Variants in HDHD5 observed in about 807,000 individuals in gnomAD.
HDHD5 encodes the protein haloacid dehalogenase-like hydrolase domain-containing 5.
In HDHD5, 34 loss-of-function variants were observed where a neutral mutation model predicts 35.5. The ratio of observed to expected loss-of-function variants is 0.96; its 90% CI spans 0.73 to 1.28. The LOEUF (loss-of-function observed/expected upper bound fraction) is 1.28. Among genes scored for constraint, HDHD5 ranks in the 50% most tolerant of loss-of-function variants. The pLI is 0.00. For synonymous variants in HDHD5, 248 were observed against 240.6 expected, an observed-to-expected ratio of 1.03 and a Z score of -0.29; for missense variants, 589 against 560.2, an observed-to-expected ratio of 1.05 and a Z score of -0.52.
chr22:17,159,524 T>C (rs1373469769), upstream of HDHD5: 7 of 456,806 alleles, frequency 1.5e-5, no homozygotes, highest in African/African-American at 8.2e-5. Flanking sequence ...GCGGCGTCCG[T>C]ACTATCGCCC....
At chr22:17,149,255 G>T (rs952827770) in intron 2 of HDHD5, among the ~76,000 whole-genome samples, 5 of 152,150 alleles carry the variant, frequency 3.3e-5, no homozygotes, top group Admixed American at 2.0e-4. Context: ...GCCAAGGTGT[G>T]ACGCCAGAGC....
chr22:17,160,307 G>C (rs1364502729), upstream of HDHD5, among the ~76,000 whole-genome samples: 1 of 151,582 alleles, frequency 6.6e-6, no homozygotes, highest in South Asian at 2.1e-4. Context: ...GAGTCCAGGA[G>C]TTCCAGACCA....
upstream of HDHD5, chr22:17,159,298 C>CCG (rs1279781550): frequency 2.5e-6 from 3 of 1,224,434 alleles, no homozygotes; most frequent in East Asian, 5.6e-5. Context: ...CCCCCCCCCC[C>CCG]GCGAGTCCGT....
upstream of HDHD5, among the ~76,000 whole-genome samples, chr22:17,162,227 T>A (rs1428511457): frequency 6.6e-6 from 1 of 152,184 alleles, no homozygotes; most frequent in South Asian, 2.1e-4. Flanking sequence ...CAAAACCTCA[T>A]GAACCACCCT....
chr22:17,139,526 T>TA (rs34738352), intron 6 of HDHD5, among the ~76,000 whole-genome samples: 6,734 of 144,736 alleles, frequency 0.047, 141 homozygotes, highest in Non-Finnish European at 0.057. Flanking sequence ...AGACTCCATC[T>TA]AAAAAAAAAA....
At chr22:17,155,730 A>G (rs756060205) in intron 1 of HDHD5, among the ~76,000 whole-genome samples, 4 of 152,218 alleles carry the variant, frequency 2.6e-5, no homozygotes, top group Non-Finnish European at 5.9e-5. Flanking sequence ...TACATCAATT[A>G]TAACAAATGT....
chr22:17,156,374 AGGCCAAGGCG>A (rs908213669), intron 1 of HDHD5, among the ~76,000 whole-genome samples: 2 of 152,226 alleles, frequency 1.3e-5, no homozygotes, highest in Admixed American at 6.5e-5. Flanking sequence ...GCACTCTGGG[AGGCCAAGGCG>A]GGCGTATCAT....
intron 1 of HDHD5, among the ~76,000 whole-genome samples, chr22:17,154,980 C>T (rs1355038854): frequency 6.6e-6 from 1 of 151,822 alleles, no homozygotes; most frequent in Non-Finnish European, 1.5e-5. Context: ...TTTGAAATGA[C>T]AAGAAATCAG....
intron 4 of HDHD5, 49 bp from the exon 5 acceptor site, chr22:17,143,180 CAGG>C (rs1568941043): frequency 6.3e-7 from 1 of 1,590,850 alleles, no homozygotes; most frequent in East Asian, 2.3e-5. Flanking sequence ...CCTTCCACTC[CAGG>C]AGAACCACAA....
At chr22:17,146,102 C>T (rs1225785564) in intron 3 of HDHD5, among the ~76,000 whole-genome samples, 1 of 152,112 alleles carries the variant, frequency 6.6e-6, no homozygotes, top group Non-Finnish European at 1.5e-5. Flanking sequence ...GGTCAGACTC[C>T]TCAAGTTTAC....
At chr22:17,165,110 G>C (rs2061883885) in intron 1 of HDHD5, 1 of 713,622 alleles carries the variant, frequency 1.4e-6, no homozygotes, top group Admixed American at 2.0e-5. Context: ...GTAGGGAAGG[G>C]ATACATATTT....
intron 1 of HDHD5, 186 bp downstream of exon 1, chr22:17,158,940 G>C: frequency 2.2e-6 from 1 of 454,108 alleles, no homozygotes; most frequent in Non-Finnish European, 3.4e-6. Flanking sequence ...GGCCGCCAGC[G>C]AGTCAGAGGA....
At chr22:17,163,423 T>A, upstream of HDHD5, among the ~76,000 whole-genome samples, 1 of 152,206 alleles carries the variant, frequency 6.6e-6, no homozygotes, top group Non-Finnish European at 1.5e-5. Flanking sequence ...CTCCCCAGGA[T>A]GCTCATGCTG....
chr22:17,146,515 A>G (rs174794), intron 3 of HDHD5, among the ~76,000 whole-genome samples: 16,603 of 39,466 alleles, frequency 0.42, 3,842 homozygotes, highest in Non-Finnish European at 0.51. Context: ...ACCGGCCTTC[A>G]ATCACACGTC....
chr22:17,138,445 G>C, intron 7 of HDHD5, 88 bp from the exon 8 acceptor site: 7 of 1,545,570 alleles, frequency 4.5e-6, no homozygotes, highest in Non-Finnish European at 6.1e-6. Context: ...GAAGAGTTTC[G>C]GGGCAGAAGA....
Position 17,137,878 on chromosome 22 carries a change from C to T in HDHD5, c.*143G>A. On this transcript the variant is annotated 3_prime_UTR_variant, in exon 8 of 8. Transcript: ENST00000336737. The stretch of plus-strand genomic sequence containing the variant: ...AGAGTCACTGTCTTCTTCCAAGTGA[C>T]CAGTAATGCCACACTCATGGGGCAG... The T allele has an allele frequency of 1.6e-6, 1 of 636,672 alleles. No individual in the cohort carries two copies. The highest frequency in any genetic ancestry group is 2.0e-5 in the South Asian group (1 of 49,712). The allele number at this position is 636,672 out of a possible 1,614,324, so 39.4% of individuals were successfully genotyped here.
At chr22:17,139,650 T>C (rs1180383102) in intron 6 of HDHD5, among the ~76,000 whole-genome samples, 4 of 151,678 alleles carry the variant, frequency 2.6e-5, no homozygotes, top group Non-Finnish European at 4.4e-5. Flanking sequence ...CTCAGCTCAC[T>C]GCAACCTCCA....
intron 1 of HDHD5, among the ~76,000 whole-genome samples, chr22:17,157,582 G>A (rs546334242): frequency 5.9e-4 from 90 of 152,246 alleles, no homozygotes; most frequent in African/African-American, 2.0e-3. Context: ...GAGACATTTC[G>A]GGACTCTGCA....
In HDHD5 at chr22:17,149,571, G is replaced by T; in HGVS notation, c.301C>A (p.Gln101Lys). Residue 101 changes from glutamine (Q) to lysine (K), a missense_variant, in exon 2 of 8, where the codon CAG (glutamine) becomes AAG (lysine). Physicochemically the swap from Gln to Lys is moderately conservative, Grantham distance 53. Transcript: ENST00000336737. ...AGNILQHSKAQELSALLGCEV... is the reference protein window; with the variant it reads ...AGNILQHSKAKELSALLGCEV... ...CACCCCAGCAGGGCTGACAGCTCCT[G>T]GGCTTTGCTGTGTTGTAAGATGTTC... is the stretch of plus-strand genomic sequence containing the variant. 6.2e-7 allele frequency: 1 copy of T among 1,612,516 alleles called. No individual in the cohort carries two copies. The highest frequency in any genetic ancestry group is 1.3e-5 in the African/African-American group (1 of 74,966).
Sources: allele counts gnomAD v4.1 joint callset (sites outside exome capture counted in the v4.1 genomes callset), GRCh38; gene constraint gnomAD v4.1.1; transcripts MANE v1.5; gene names NCBI Gene and HGNC (gene_info 2026-07-23, HGNC 2026-07-21).